Variants in PLEKHA1 observed in about 807,000 individuals in gnomAD.
The protein encoded by PLEKHA1 is pleckstrin homology domain-containing family A member 1.
Under a neutral mutation model 52.0 loss-of-function variants are expected in PLEKHA1, and 34 were observed. That is an observed-to-expected ratio of 0.65 (90% CI 0.50 to 0.87). The LOEUF (loss-of-function observed/expected upper bound fraction) is 0.87, where lower values mean the gene tolerates loss of function less well. Ranked by LOEUF, PLEKHA1 falls within the 40% of genes least tolerant of loss-of-function variation. The pLI is 0.00. For missense variants in PLEKHA1, 497 were observed against 504.2 expected (o/e 0.99, Z 0.14); for synonymous variants, 163 against 170.7 (o/e 0.95, Z 0.35).
chr10:122,424,607 A>G (rs1476610424), intron 9 of PLEKHA1, among the ~76,000 whole-genome samples: 2 of 152,218 alleles, frequency 1.3e-5, no homozygotes, highest in African/African-American at 2.4e-5. Context: ...TAAAAGATGC[A>G]GTAGAATAGA....
At chr10:122,375,991 T>C (rs2096529021) in intron 1 of PLEKHA1, among the ~76,000 whole-genome samples, 1 of 152,210 alleles carries the variant, frequency 6.6e-6, no homozygotes, top group South Asian at 2.1e-4. Flanking sequence ...TTTACACCAT[T>C]GTCTTTCATC....
Position 122,424,931 on chromosome 10 carries a change from TAAC to T in PLEKHA1, c.786_788del (p.Thr263del). 5.0e-6 allele frequency: 8 copies of T among 1,610,810 alleles called. No individual in the cohort carries two copies. Among genetic ancestry groups the T allele is most frequent in the Non-Finnish European group, 6.8e-6 (8 of 1,178,388 alleles). ...ATGAGGGACAACCTCTTTGAAATTG[TAAC>T]AACGTCTCGAACTTTCTATGTGCAG... On this transcript the variant is annotated inframe_deletion, in exon 10 of 12. Coordinates refer to ENST00000368990, the MANE Select transcript of PLEKHA1 (RefSeq NM_001001974.4).
chr10:122,391,016 G>T (rs2096768482), intron 1 of PLEKHA1, among the ~76,000 whole-genome samples: 1 of 151,958 alleles, frequency 6.6e-6, no homozygotes, highest in African/African-American at 2.4e-5. Flanking sequence ...TTATCTCATT[G>T]TGGTTTTTAT....
At chr10:122,385,025 A>G (rs942520203) in intron 1 of PLEKHA1, among the ~76,000 whole-genome samples, 3 of 152,016 alleles carry the variant, frequency 2.0e-5, no homozygotes, top group Non-Finnish European at 4.4e-5. Context: ...AATAAACTCT[A>G]TCTGTTTAAA....
At position 122,429,613 on chromosome 10, in the gene PLEKHA1, C is replaced by T. The variant is rs1174600510; in HGVS notation, c.901-11C>T. Reference sequence around the variant, plus strand: ...TGACTGACCGTGTCTGACTGCCACTCCTTTTTGCAGGAGCATCCCCCCGGT... The same window carrying T: ...TGACTGACCGTGTCTGACTGCCACTTCTTTTTGCAGGAGCATCCCCCCGGT... On this transcript the variant is annotated splice_polypyrimidine_tract_variant and intron_variant, in intron 11 of 11. Coordinates refer to ENST00000368990, the MANE Select transcript of PLEKHA1 (RefSeq NM_001001974.4). 1.2e-6 allele frequency: 2 copies of T among 1,611,080 alleles called. No homozygotes were observed. Among genetic ancestry groups the T allele is most frequent in the Admixed American group, 1.7e-5 (1 of 59,880 alleles).
At chr10:122,433,163 G>A (rs2097426191), downstream of PLEKHA1, 1 of 152,146 alleles carries the variant, frequency 6.6e-6, no homozygotes, top group Non-Finnish European at 1.5e-5. Flanking sequence ...ACCTATTCAT[G>A]TCCTGTTGGG....
intron 7 of PLEKHA1, chr10:122,417,063 T>C (rs549071950): frequency 6.5e-6 from 1 of 153,078 alleles, no homozygotes; most frequent in East Asian, 1.9e-4. Context: ...GGTTCCTTTT[T>C]GTTTTACTCT....
Position 122,431,128 on chromosome 10 carries a change from T to C in PLEKHA1, c.*1190T>C, listed in dbSNP as rs2097412793. 1 of 150,468 alleles carries C rather than the reference T, an allele frequency of 6.6e-6. No homozygotes were observed. Among genetic ancestry groups the C allele is most frequent in the Non-Finnish European group, 1.5e-5 (1 of 67,350 alleles). The allele number at this position is 150,468 out of a possible 1,614,324, so 9.3% of individuals were successfully genotyped here. ...TAGACCAGTTTGAGTAAGTACTGCT[T>C]TTTTTTTTTGGAGACGGGCTCTCGC... On this transcript the variant is annotated 3_prime_UTR_variant, in exon 12 of 12. Transcript: ENST00000368990.
downstream of PLEKHA1, chr10:122,432,495 G>T (rs1442119633): frequency 6.6e-6 from 1 of 152,120 alleles, no homozygotes; most frequent in Non-Finnish European, 1.5e-5. Context: ...AGAAACTTCA[G>T]ATCTGTGAAT....
intron 3 of PLEKHA1, among the ~76,000 whole-genome samples, chr10:122,399,292 A>G (rs1565194264): frequency 6.6e-6 from 1 of 152,162 alleles, no homozygotes; most frequent in Non-Finnish European, 1.5e-5. Context: ...AACGGATGCT[A>G]CAATTATAAG....
At chr10:122,415,148 AG>A (rs1233511263) in intron 6 of PLEKHA1, among the ~76,000 whole-genome samples, 4 of 152,324 alleles carry the variant, frequency 2.6e-5, no homozygotes, top group African/African-American at 9.6e-5. Context: ...TCTAGATACA[AG>A]GAACAGTCTG....
chr10:122,381,351 A>C (rs980280819), intron 1 of PLEKHA1, among the ~76,000 whole-genome samples: 1 of 152,160 alleles, frequency 6.6e-6, no homozygotes, highest in African/African-American at 2.4e-5. Context: ...TTGTGTCCCC[A>C]CCCAAATCTC....
chr10:122,410,749 T>C (rs941437362), intron 5 of PLEKHA1, among the ~76,000 whole-genome samples: 2 of 152,190 alleles, frequency 1.3e-5, no homozygotes, highest in African/African-American at 4.8e-5. Context: ...AAAACCAATA[T>C]AAATTTCGGT....
At chr10:122,394,743 T>C (rs898679424) in intron 2 of PLEKHA1, among the ~76,000 whole-genome samples, 3 of 152,214 alleles carry the variant, frequency 2.0e-5, no homozygotes, top group Non-Finnish European at 4.4e-5. Flanking sequence ...TATGAGCCAT[T>C]GCACAGTTCT....
intron 4 of PLEKHA1, among the ~76,000 whole-genome samples, chr10:122,401,936 C>T (rs932927978): frequency 9.2e-5 from 14 of 152,104 alleles, no homozygotes; most frequent in Non-Finnish European, 2.1e-4. Context: ...CAAGATGAAA[C>T]GTGGCTGTCA....
chr10:122,376,398 AT>A (rs889387195), intron 1 of PLEKHA1, among the ~76,000 whole-genome samples: 6 of 151,536 alleles, frequency 4.0e-5, no homozygotes, highest in African/African-American at 1.2e-4. Flanking sequence ...TAGTTAATTT[AT>A]TTTATACTGC....
chr10:122,400,694 C>T (rs1218544052), intron 4 of PLEKHA1, among the ~76,000 whole-genome samples: 1 of 152,140 alleles, frequency 6.6e-6, no homozygotes, highest in African/African-American at 2.4e-5. Flanking sequence ...CTTTCTACGT[C>T]ATGTTATTCT....
At chr10:122,412,672 G>A (rs1357659207) in intron 5 of PLEKHA1, 2 of 443,982 alleles carry the variant, frequency 4.5e-6, no homozygotes, top group African/African-American at 3.9e-5. Context: ...GACAGGAGTA[G>A]TAAAGGAGAA....
At chr10:122,429,137 AT>A (rs2097384312) in intron 11 of PLEKHA1, among the ~76,000 whole-genome samples, 1 of 152,204 alleles carries the variant, frequency 6.6e-6, no homozygotes, top group Admixed American at 6.5e-5. Context: ...TTGAAAGATG[AT>A]TCGTGCTTAT....
Sources: allele counts gnomAD v4.1 joint callset (sites outside exome capture counted in the v4.1 genomes callset), GRCh38; gene constraint gnomAD v4.1.1; transcripts MANE v1.5; gene names NCBI Gene and HGNC (gene_info 2026-07-23, HGNC 2026-07-21).